Variants in JAG1 observed in about 807,000 individuals in gnomAD.
JAG1 encodes the protein protein jagged-1.
A neutral mutation model predicts 148.7 loss-of-function variants in JAG1; 23 were observed. The observed-to-expected ratio is 0.15, with a 90% confidence interval of 0.11 to 0.22. JAG1 has a LOEUF of 0.22. JAG1 is among the 10% of genes least tolerant of loss of function. The pLI is 1.00. For synonymous variants in JAG1, 572 were observed against 598.3 expected (o/e 0.96, Z 0.64); for missense variants, 1,054 against 1,611.2 (o/e 0.65, Z 5.92).
intron 3 of JAG1, among the ~76,000 whole-genome samples, chr20:10,660,890 T>C (rs956720349): frequency 6.6e-6 from 1 of 152,174 alleles, no homozygotes; most frequent in Admixed American, 6.5e-5. Flanking sequence ...GAAGAAGCCA[T>C]GACCGCCTCG....
At chr20:10,643,897 T>TC in intron 19 of JAG1, 34 bp from the exon 20 acceptor site, 1 of 1,513,006 alleles carries the variant, frequency 6.6e-7, no homozygotes, top group Non-Finnish European at 9.2e-7. Context: ...GTTACCAACC[T>TC]CCCAGTCCAT....
chr20:10,651,265 C>T, intron 8 of JAG1: 1 of 318,210 alleles, frequency 3.1e-6, no homozygotes, highest in Non-Finnish European at 6.0e-6. Flanking sequence ...CCCCTGAAGG[C>T]AGCCTCTCCA....
At chr20:10,641,028 G>A (rs1337905025) in intron 24 of JAG1, 85 bp downstream of exon 24, 11 of 1,610,596 alleles carry the variant, frequency 6.8e-6, no homozygotes, top group Non-Finnish European at 8.5e-6. Flanking sequence ...AAAGCTTTTT[G>A]TCAGTGAATT....
intron 19 of JAG1, 135 bp downstream of exon 19, chr20:10,644,222 C>A: frequency 1.2e-6 from 1 of 816,964 alleles, no homozygotes; most frequent in Non-Finnish European, 2.1e-6. Context: ...TGAGGCCCCA[C>A]CCCAGACCTC....
chr20:10,647,142 C>T (rs770713066), intron 13 of JAG1, 39 bp from the exon 14 acceptor site: 3 of 1,613,076 alleles, frequency 1.9e-6, no homozygotes, highest in South Asian at 2.2e-5. Flanking sequence ...AGCCATGCAC[C>T]CACAGATGCG....
intron 4 of JAG1, among the ~76,000 whole-genome samples, chr20:10,657,643 T>C (rs2122622304): frequency 6.6e-6 from 1 of 152,312 alleles, no homozygotes; most frequent in Admixed American, 6.5e-5. Context: ...GAGTACATTA[T>C]TGCTCATGAG....
intron 2 of JAG1, among the ~76,000 whole-genome samples, chr20:10,670,985 G>A (rs1286702346): frequency 2.0e-5 from 3 of 152,240 alleles, no homozygotes; most frequent in African/African-American, 7.2e-5. Context: ...AAGCCTCCTT[G>A]TTTTCATGTT....
intron 4 of JAG1, among the ~76,000 whole-genome samples, chr20:10,657,254 G>C (rs1038200843): frequency 1.3e-5 from 2 of 151,778 alleles, no homozygotes; most frequent in African/African-American, 4.8e-5. Flanking sequence ...CAGCTACTTG[G>C]GAGGCTGAGG....
rs752554040 is a variant in JAG1 at position 10,639,490 on chromosome 20, G to A, written c.*8C>T. On this transcript the variant is annotated 3_prime_UTR_variant, in exon 26 of 26. Transcript: ENST00000254958. ...ACTCTACCTAGCGGCGGCAGTGCCCGCGGTCTGCTATACGATGTACTCCAT... is the reference window on the plus strand; with the variant it reads ...ACTCTACCTAGCGGCGGCAGTGCCCACGGTCTGCTATACGATGTACTCCAT... The A allele has an allele frequency of 4.1e-5, 66 of 1,612,812 alleles. No homozygotes were observed. The highest frequency in any genetic ancestry group is 1.7e-4 in the Admixed American group (10 of 60,006).
chr20:10,648,688 G>C lies in JAG1; in HGVS notation c.1430C>G (p.Pro477Arg). The C allele has an allele frequency of 6.2e-7, 1 of 1,614,214 alleles. No individual in the cohort carries two copies. Among genetic ancestry groups the C allele is most frequent in the East Asian group, 2.2e-5 (1 of 44,886 alleles). The change falls in exon 12 of 26, where the codon CCT becomes CGT. Residue 477 changes from proline to arginine, a missense_variant. Around this residue, in one of 6 missense-constraint regions of JAG1, gnomAD observed 245 missense variants for 373.1 expected, o/e 0.66. Transcript: ENST00000254958. ...LVNGYRCICP[P>R]GYAGDHCERD... is the part of the protein sequence containing the mutation. ...CTCACAGTGATCGCCTGCATAGCCA[G>C]GTGGACAGATACAGCGATAACCATT... is the stretch of plus-strand genomic sequence containing the variant.
In JAG1 at chr20:10,644,912, G is replaced by A. The variant is rs1666433369; in HGVS notation, c.2295C>T (p.Ser765=). ...NGGTCVVNGE[S]FTCVCKEGWE... is the part of the protein sequence containing the mutation. ...AGCCTTCCTTGCAGACGCACGTAAA[G>A]GACTCGCCGTTGACCACACATGTGC... Residue 765 remains serine, a synonymous_variant, in exon 18 of 26, where the codon TCC becomes TCT. Transcript: ENST00000254958. 6.2e-7 allele frequency: 1 copy of A among 1,614,090 alleles called. No homozygotes were observed. The highest frequency in any genetic ancestry group is 1.3e-5 in the African/African-American group (1 of 74,930).
At chr20:10,653,582 G>A (rs1225561461) in intron 5 of JAG1, among the ~76,000 whole-genome samples, 1 of 149,586 alleles carries the variant, frequency 6.7e-6, no homozygotes, top group African/African-American at 2.5e-5. Context: ...CGTGGAGGGT[G>A]GAGGGTGGAG....
intron 20 of JAG1, 54 bp downstream of exon 20, chr20:10,643,724 G>A: frequency 2.2e-6 from 3 of 1,349,178 alleles, no homozygotes; most frequent in Admixed American, 3.4e-5. Context: ...TTGGGGTGAG[G>A]CATGGAATGA....
intron 2 of JAG1, among the ~76,000 whole-genome samples, chr20:10,670,575 C>A (rs1334312769): frequency 1.3e-5 from 2 of 152,172 alleles, no homozygotes; most frequent in African/African-American, 4.8e-5. Flanking sequence ...TTGAAAGTTA[C>A]GGACTGTGCC....
intron 5 of JAG1, among the ~76,000 whole-genome samples, chr20:10,655,351 G>A (rs778680658): frequency 1.3e-5 from 2 of 152,152 alleles, no homozygotes; most frequent in Non-Finnish European, 2.9e-5. Flanking sequence ...CGGAGCCCAC[G>A]AACCTGCATT....
chr20:10,669,281 C>T (rs2067478499), intron 2 of JAG1, among the ~76,000 whole-genome samples: 1 of 152,032 alleles, frequency 6.6e-6, no homozygotes, highest in Non-Finnish European at 1.5e-5. Context: ...TCTTTGTATA[C>T]ATGCTGACTA....
Position 10,645,083 on chromosome 20 carries a change from C to T in JAG1, c.2227+60G>A. On this transcript the variant is annotated intron_variant, in intron 17 of 25. Transcript: ENST00000254958. The surrounding 1 kb of genome is among the most constrained non-coding windows in gnomAD (Gnocchi z 6.1). ...AAATATCATAAGCTCCAGGGGCCAA[C>T]CAGCAGACACGCCCAGGTGGCCATG... 6.6e-7 allele frequency: 1 copy of T among 1,524,926 alleles called. No individual in the cohort carries two copies. Among genetic ancestry groups the T allele is most frequent in the Non-Finnish European group, 9.1e-7 (1 of 1,098,716 alleles). 94.5% of individuals were successfully genotyped at this position (1,524,926 alleles called of 1,614,324 possible).
At chr20:10,652,644 G>A in intron 5 of JAG1, 46 bp from the exon 6 acceptor site, 1 of 1,607,626 alleles carries the variant, frequency 6.2e-7, no homozygotes, top group Non-Finnish European at 8.5e-7. Context: ...TGAACGTTAA[G>A]AGACACCTGT....
intron 4 of JAG1, among the ~76,000 whole-genome samples, chr20:10,657,257 G>C (rs1231646467): frequency 6.6e-6 from 1 of 151,600 alleles, no homozygotes; most frequent in Admixed American, 6.6e-5. Flanking sequence ...CTACTTGGGA[G>C]GCTGAGGCAG....
Sources: gnomAD v4.1 joint callset for allele counts (sites outside exome capture counted in the v4.1 genomes callset) on GRCh38, gnomAD v4.1.1 for gene constraint, gnomAD v4.1.1 regional missense constraint, Gnocchi (gnomAD v3.1) non-coding constraint, MANE v1.5 for transcripts, NCBI Gene and HGNC (gene_info 2026-07-23, HGNC 2026-07-21) for gene names.